LHFPL3: variants seen among roughly 807,000 people sequenced by gnomAD.
LHFPL3 encodes the protein LHFPL tetraspan subfamily member 3 protein.
Under a neutral mutation model 19.3 loss-of-function variants are expected in LHFPL3, and 5 were observed. The ratio of observed to expected loss-of-function variants is 0.26; its 90% CI spans 0.14 to 0.54. The LOEUF is 0.54. LHFPL3 is among the 20% of genes least tolerant of loss of function. LHFPL3 has a pLI of 0.94. For synonymous variants in LHFPL3, 133 were observed against 126.2 expected (o/e 1.05, Z -0.36); for missense variants, 249 against 307.4 (o/e 0.81, Z 1.42).
chr7:104,329,103 C>T lies in LHFPL3; in HGVS notation c.324C>T (p.Ala108=). 1.9e-6 allele frequency: 3 copies of T among 1,614,092 alleles called. No individual in the cohort carries two copies. Among genetic ancestry groups the T allele is most frequent in the Non-Finnish European group, 2.5e-6 (3 of 1,179,906 alleles). ...TGCCCTCGGGCGCCTTCAAAGCCGCCTCCTTCTTTATCGGCCTCTCCATGA... is the reference window on the plus strand; with the variant it reads ...TGCCCTCGGGCGCCTTCAAAGCCGCTTCCTTCTTTATCGGCCTCTCCATGA... The part of the protein sequence containing the change: ...STLPSGAFKA[A]SFFIGLSMML... Residue 108 remains alanine (A), a synonymous_variant, in exon 1 of 3, where the codon GCC becomes GCT. Transcript: ENST00000424859.
At chr7:104,419,559 A>C (rs145668243) in intron 1 of LHFPL3, among the ~76,000 whole-genome samples, 38 of 152,342 alleles carry the variant, frequency 2.5e-4, no homozygotes, top group African/African-American at 9.1e-4. Flanking sequence ...ATACCATTAA[A>C]AATACATGTT....
intron 2 of LHFPL3, among the ~76,000 whole-genome samples, chr7:104,887,159 T>A (rs1792165161): frequency 6.6e-6 from 1 of 152,354 alleles, no homozygotes; most frequent in East Asian, 1.9e-4. Context: ...CAGGGGTACA[T>A]CAGCATTAGC....
At chr7:104,382,217 G>T (rs2116453407) in intron 1 of LHFPL3, among the ~76,000 whole-genome samples, 1 of 152,316 alleles carries the variant, frequency 6.6e-6, no homozygotes, top group Admixed American at 6.5e-5. Flanking sequence ...TGTTTGAAAT[G>T]CAAATTCTCG....
At chr7:104,590,640 A>C (rs1790693541) in intron 1 of LHFPL3, among the ~76,000 whole-genome samples, 1 of 152,222 alleles carries the variant, frequency 6.6e-6, no homozygotes, top group African/African-American at 2.4e-5. Context: ...CGCTTGGTGC[A>C]GAGCTGAGTT....
At chr7:104,515,883 C>G (rs990317915) in intron 1 of LHFPL3, among the ~76,000 whole-genome samples, 4 of 152,070 alleles carry the variant, frequency 2.6e-5, no homozygotes, top group African/African-American at 7.2e-5. Flanking sequence ...TCCAAACTTT[C>G]CCACATTTTC....
intron 1 of LHFPL3, among the ~76,000 whole-genome samples, chr7:104,688,366 T>C (rs1792844527): frequency 6.6e-6 from 1 of 152,182 alleles, no homozygotes; most frequent in Non-Finnish European, 1.5e-5. Flanking sequence ...CACAAGCTCT[T>C]ATCATGAGAG....
chr7:104,902,734 C>T (rs770859610), intron 2 of LHFPL3, among the ~76,000 whole-genome samples: 4 of 152,054 alleles, frequency 2.6e-5, no homozygotes, highest in African/African-American at 9.7e-5. Flanking sequence ...TACAGTGAGC[C>T]GAGATCACGC....
chr7:104,515,978 T>C (rs1455932646), intron 1 of LHFPL3, among the ~76,000 whole-genome samples: 2 of 152,126 alleles, frequency 1.3e-5, no homozygotes, highest in Non-Finnish European at 1.5e-5. Flanking sequence ...CAGATATCTT[T>C]ACAACAGCAC....
chr7:104,337,685 C>T (rs1789855807), intron 1 of LHFPL3, among the ~76,000 whole-genome samples: 2 of 152,100 alleles, frequency 1.3e-5, no homozygotes, highest in South Asian at 4.1e-4. Flanking sequence ...AATATAATGC[C>T]TTTAATGGGG....
At chr7:104,904,023 G>A (rs1792547406) in intron 2 of LHFPL3, among the ~76,000 whole-genome samples, 1 of 152,188 alleles carries the variant, frequency 6.6e-6, no homozygotes, top group South Asian at 2.1e-4. Flanking sequence ...TTTCCACAGT[G>A]GTTGATTGTT....
intron 1 of LHFPL3, among the ~76,000 whole-genome samples, chr7:104,597,018 G>C (rs1158138917): frequency 2.6e-5 from 4 of 152,102 alleles, no homozygotes; most frequent in Non-Finnish European, 4.4e-5. Context: ...TACCTCTTCT[G>C]TTCTTTCCCA....
intron 2 of LHFPL3, among the ~76,000 whole-genome samples, chr7:104,804,799 G>C (rs1304799333): frequency 1.3e-5 from 2 of 152,134 alleles, no homozygotes; most frequent in Non-Finnish European, 2.9e-5. Context: ...TGAGAAATCA[G>C]CCCTGACCAA....
At chr7:104,558,127 C>T (rs1332304384) in intron 1 of LHFPL3, among the ~76,000 whole-genome samples, 67 of 150,316 alleles carry the variant, frequency 4.5e-4, no homozygotes, top group Middle Eastern at 3.4e-3. Flanking sequence ...TGAATAATGC[C>T]GCAATAAACA....
At chr7:104,489,412 A>T (rs191441730) in intron 1 of LHFPL3, among the ~76,000 whole-genome samples, 2 of 151,936 alleles carry the variant, frequency 1.3e-5, no homozygotes, top group Admixed American at 6.6e-5. Flanking sequence ...GGTCTTGCAA[A>T]TTATCTTGCA....
intron 2 of LHFPL3, among the ~76,000 whole-genome samples, chr7:104,768,284 G>A (rs1794494426): frequency 6.6e-6 from 1 of 152,180 alleles, no homozygotes; most frequent in African/African-American, 2.4e-5. Flanking sequence ...AGTCTGAGAA[G>A]TTGCTGGGAA....
chr7:104,441,773 A>C (rs1410307990), intron 1 of LHFPL3, among the ~76,000 whole-genome samples: 1 of 152,042 alleles, frequency 6.6e-6, no homozygotes, highest in African/African-American at 2.4e-5. Context: ...TTGGGGTTTT[A>C]CTATGTTGGC....
intron 1 of LHFPL3, among the ~76,000 whole-genome samples, chr7:104,396,332 CA>C: frequency 6.6e-6 from 1 of 151,806 alleles, no homozygotes; most frequent in African/African-American, 2.4e-5. Context: ...ATGGGGATGG[CA>C]AAAAAGGACA....
At chr7:104,750,424 A>G (rs1028761669) in intron 2 of LHFPL3, among the ~76,000 whole-genome samples, 2 of 152,200 alleles carry the variant, frequency 1.3e-5, no homozygotes, top group African/African-American at 2.4e-5. Context: ...AATGTATGGC[A>G]GGAGTAATAA....
chr7:104,410,100 A>G (rs537934392), intron 1 of LHFPL3, among the ~76,000 whole-genome samples: 24 of 152,184 alleles, frequency 1.6e-4, no homozygotes, highest in Non-Finnish European at 1.2e-4. Context: ...TGAACAAATT[A>G]TTAACTCATC....
Sources: allele counts gnomAD v4.1 joint callset (sites outside exome capture counted in the v4.1 genomes callset), GRCh38; gene constraint gnomAD v4.1.1; transcripts MANE v1.5; gene names NCBI Gene and HGNC (gene_info 2026-07-23, HGNC 2026-07-21).